The following DPP10 variants were observed in gnomAD, a reference collection of about 807,000 sequenced individuals.
DPP10 encodes the protein dipeptidyl peptidase like 10, also known as inactive dipeptidyl peptidase 10.
Under a neutral mutation model 120.9 loss-of-function variants are expected in DPP10, and 33 were observed. The ratio of observed to expected loss-of-function variants is 0.27; its 90% CI spans 0.21 to 0.37. The LOEUF (loss-of-function observed/expected upper bound fraction) is 0.37, where lower values mean the gene tolerates loss of function less well. Ranked by LOEUF, DPP10 falls within the 10% of genes least tolerant of loss-of-function variation. The probability of loss-of-function intolerance (pLI) is 1.00; values close to 1 mark genes in which losing one functional copy is unlikely to be tolerated. For synonymous variants in DPP10, 337 were observed against 326.1 expected, an observed-to-expected ratio of 1.03 and a Z score of -0.36; for missense variants, 816 against 942.8, an observed-to-expected ratio of 0.87 and a Z score of 1.76.
chr2:114,455,527 A>T (rs1678524812), intron 1 of DPP10, among the ~76,000 whole-genome samples: 1 of 150,546 alleles, frequency 6.6e-6, no homozygotes, highest in African/African-American at 2.5e-5. Flanking sequence ...CCTGGGTGAC[A>T]GTTCAAGACT....
intron 1 of DPP10, among the ~76,000 whole-genome samples, chr2:114,951,902 A>G (rs1289908353): frequency 6.6e-6 from 1 of 152,076 alleles, no homozygotes; most frequent in Non-Finnish European, 1.5e-5. Flanking sequence ...ACAGTCATTT[A>G]CGAGTTTAAT....
chr2:114,897,113 T>G (rs1319776196), intron 1 of DPP10, among the ~76,000 whole-genome samples: 2 of 152,128 alleles, frequency 1.3e-5, no homozygotes, highest in African/African-American at 4.8e-5. Flanking sequence ...ATAAGCTTTT[T>G]GATGTGCTGC....
chr2:114,668,730 TTA>T (rs2105612636), intron 1 of DPP10, among the ~76,000 whole-genome samples: 1 of 152,184 alleles, frequency 6.6e-6, no homozygotes, highest in East Asian at 1.9e-4. Flanking sequence ...ATGGCTTTCC[TTA>T]TATGTGTGAA....
At chr2:115,669,366 T>C (rs1393566666) in intron 5 of DPP10, among the ~76,000 whole-genome samples, 2 of 152,098 alleles carry the variant, frequency 1.3e-5, no homozygotes, top group African/African-American at 4.8e-5. Flanking sequence ...TGTACTGTAG[T>C]TAATAGAAAG....
intron 1 of DPP10, among the ~76,000 whole-genome samples, chr2:114,851,086 TC>T (rs1235221124): frequency 1.3e-5 from 2 of 152,188 alleles, no homozygotes; most frequent in Non-Finnish European, 2.9e-5. Flanking sequence ...CTCACTTTTT[TC>T]CTCATTTTTT....
chr2:115,471,874 C>T (rs2074748395), intron 3 of DPP10, among the ~76,000 whole-genome samples: 2 of 152,052 alleles, frequency 1.3e-5, no homozygotes, highest in Non-Finnish European at 2.9e-5. Context: ...CTGCCTCAGC[C>T]TCCCAAAGTG....
At chr2:115,399,029 T>C (rs1383282969) in intron 3 of DPP10, among the ~76,000 whole-genome samples, 2 of 152,288 alleles carry the variant, frequency 1.3e-5, no homozygotes, top group South Asian at 4.1e-4. Context: ...TGTAGAGATT[T>C]GTATCGTTGA....
At chr2:115,023,954 G>C (rs1703264151) in intron 1 of DPP10, among the ~76,000 whole-genome samples, 1 of 152,060 alleles carries the variant, frequency 6.6e-6, no homozygotes, top group African/African-American at 2.4e-5. Flanking sequence ...TGGGAGCTAA[G>C]CTATGAGGCT....
At chr2:114,885,468 T>TATC (rs1325758440) in intron 1 of DPP10, among the ~76,000 whole-genome samples, 1 of 152,150 alleles carries the variant, frequency 6.6e-6, no homozygotes, top group East Asian at 1.9e-4. Context: ...ATACAAACTA[T>TATC]ATCACCCTTC....
At chr2:115,524,259 A>G (rs1231486868) in intron 4 of DPP10, among the ~76,000 whole-genome samples, 2 of 152,134 alleles carry the variant, frequency 1.3e-5, no homozygotes, top group Non-Finnish European at 2.9e-5. Flanking sequence ...GTACTGAATT[A>G]TGTCCAACCT....
At chr2:115,667,856 C>A (rs2089579674) in intron 5 of DPP10, among the ~76,000 whole-genome samples, 1 of 151,554 alleles carries the variant, frequency 6.6e-6, no homozygotes, top group South Asian at 2.1e-4. Context: ...TTATTTCATT[C>A]TGCTGCCATT....
intron 1 of DPP10, among the ~76,000 whole-genome samples, chr2:115,224,845 G>T (rs1409657940): frequency 6.6e-6 from 1 of 152,090 alleles, no homozygotes; most frequent in African/African-American, 2.4e-5. Flanking sequence ...AATGCTTACC[G>T]CATGTTGAAC....
chr2:114,905,740 G>A (rs1197555812), intron 1 of DPP10, among the ~76,000 whole-genome samples: 1 of 152,088 alleles, frequency 6.6e-6, no homozygotes, highest in Non-Finnish European at 1.5e-5. Flanking sequence ...TAGAAACAGG[G>A]TCTCATTATA....
chr2:115,157,803 C>T (rs746833889), intron 1 of DPP10, among the ~76,000 whole-genome samples: 26 of 152,248 alleles, frequency 1.7e-4, no homozygotes, highest in African/African-American at 6.0e-4. Flanking sequence ...AGACACAGCT[C>T]GTGAACTCTG....
chr2:114,642,672 T>C (rs978209828), intron 1 of DPP10, among the ~76,000 whole-genome samples: 1 of 151,512 alleles, frequency 6.6e-6, no homozygotes, highest in Non-Finnish European at 1.5e-5. Flanking sequence ...GGGAGCACAG[T>C]GATGAAGTGA....
At chr2:115,623,138 C>T (rs977195279) in intron 5 of DPP10, among the ~76,000 whole-genome samples, 2 of 152,140 alleles carry the variant, frequency 1.3e-5, no homozygotes, top group Non-Finnish European at 2.9e-5. Context: ...AGCCACCGTG[C>T]CCGGCTCCAT....
At chr2:115,560,895 G>T (rs2080612936) in intron 5 of DPP10, among the ~76,000 whole-genome samples, 1 of 152,074 alleles carries the variant, frequency 6.6e-6, no homozygotes, top group South Asian at 2.1e-4. Context: ...CACAACATGG[G>T]TGCCTCTATT....
At chr2:114,808,546 T>A (rs540548112) in intron 1 of DPP10, among the ~76,000 whole-genome samples, 1 of 150,294 alleles carries the variant, frequency 6.7e-6, no homozygotes, top group African/African-American at 2.4e-5. Flanking sequence ...AATCTAACTT[T>A]TTTTTTTTTT....
At chr2:115,445,645 A>G (rs2072510756) in intron 3 of DPP10, among the ~76,000 whole-genome samples, 1 of 152,192 alleles carries the variant, frequency 6.6e-6, no homozygotes, top group African/African-American at 2.4e-5. Flanking sequence ...TGGTGGAAGA[A>G]ATTTCTAAGC....
Sources: gnomAD v4.1 joint callset for allele counts (sites outside exome capture counted in the v4.1 genomes callset) on GRCh38, gnomAD v4.1.1 for gene constraint, MANE v1.5 for transcripts, NCBI Gene and HGNC (gene_info 2026-07-23, HGNC 2026-07-21) for gene names.